The following MYO3A variants were observed in gnomAD, a reference collection of about 807,000 sequenced individuals.
The protein encoded by MYO3A is myosin IIIA, also known as myosin-IIIa.
Under a neutral mutation model 192.7 loss-of-function variants are expected in MYO3A, and 180 were observed. The observed-to-expected ratio is 0.93, with a 90% CI of 0.83 to 1.06. MYO3A has a LOEUF of 1.06. Among genes scored for constraint, MYO3A ranks in the 50% least tolerant of loss-of-function variants. The probability of loss-of-function intolerance (pLI) is 0.00; values close to 1 mark genes in which losing one functional copy is unlikely to be tolerated. For synonymous variants in MYO3A, 628 were observed against 645.3 expected, an observed-to-expected ratio of 0.97 and a Z score of 0.41; for missense variants, 1,896 against 1,905.0, an observed-to-expected ratio of 1.00 and a Z score of 0.09.
chr10:25,990,559 C>CA (rs1441016673), intron 4 of MYO3A, among the ~76,000 whole-genome samples: 2 of 151,576 alleles, frequency 1.3e-5, no homozygotes, highest in Non-Finnish European at 2.9e-5. Context: ...ATGTGCACAA[C>CA]ATGCAGGTTT....
chr10:26,210,202 T>C (rs1008628662), intron 34 of MYO3A, among the ~76,000 whole-genome samples: 1 of 152,182 alleles, frequency 6.6e-6, no homozygotes, highest in African/African-American at 2.4e-5. Context: ...TACTTAAAAT[T>C]TGTGAACTGA....
chr10:26,115,010 A>G (rs1376768701), intron 17 of MYO3A, among the ~76,000 whole-genome samples: 1 of 152,198 alleles, frequency 6.6e-6, no homozygotes, highest in East Asian at 1.9e-4. Context: ...ACCTACGAGG[A>G]GTTTGGCTGG....
At position 26,166,341 on chromosome 10, in the gene MYO3A, G is replaced by A. The variant is rs144596162; in HGVS notation, c.3111+163G>A. The A allele has an allele frequency of 5.3e-4, 372 of 702,166 alleles. No individual in the cohort carries two copies. In the African/African-American group the frequency reaches 5.8e-3, roughly 11 times the overall value. The allele number at this position is 702,166 out of a possible 1,614,324, so 43.5% of individuals were successfully genotyped here. ...TAAACTCATAAAGATTTTCTTTTTC[G>A]TCAACATTAAAGGCTTTTGCTCTTC... On this transcript the variant is annotated intron_variant, in intron 27 of 34. Transcript: ENST00000642920.
chr10:26,043,352 T>TGC (rs60008989), intron 10 of MYO3A, among the ~76,000 whole-genome samples: 24,687 of 152,066 alleles, frequency 0.16, 2,283 homozygotes, highest in Non-Finnish European at 0.21. Context: ...AGTTCTACAA[T>TGC]CAGCAGGTGG....
At chr10:26,130,361 T>C (rs1839460701) in intron 20 of MYO3A, among the ~76,000 whole-genome samples, 1 of 152,228 alleles carries the variant, frequency 6.6e-6, no homozygotes, top group East Asian at 1.9e-4. Flanking sequence ...TCTGCCTGTC[T>C]CGGCCTCCCA....
chr10:26,015,294 C>T (rs1841928221), intron 6 of MYO3A, among the ~76,000 whole-genome samples: 1 of 152,084 alleles, frequency 6.6e-6, no homozygotes, highest in Admixed American at 6.6e-5. Flanking sequence ...TCAGCAGCTT[C>T]TCTCTTGAGA....
chr10:26,020,614 T>C lies in MYO3A; in HGVS notation c.586-889T>C, dbSNP rs576353866. On this transcript the variant is annotated intron_variant, in intron 7 of 34. Transcript: ENST00000642920. ...ATATCTTTTATTTTTTCTTGTGGGT[T>C]GGCATGTACAAAACATAAAATTTTA... 5.9e-5 allele frequency among the ~76,000 whole-genome samples: 9 copies of C among 152,336 alleles called. No individual in the cohort carries two copies. The South Asian group carries it at 1.9e-3, about 32-fold the overall frequency.
At chr10:26,060,477 A>C (rs12781392) in intron 10 of MYO3A, among the ~76,000 whole-genome samples, 71,727 of 151,556 alleles carry the variant, frequency 0.47, 17,802 homozygotes, top group Middle Eastern at 0.59. Flanking sequence ...CAAACAAACA[A>C]ACAAACAAAC....
intron 18 of MYO3A, among the ~76,000 whole-genome samples, chr10:26,123,921 A>G (rs1401922552): frequency 8.6e-6 from 1 of 116,584 alleles, no homozygotes; most frequent in Non-Finnish European, 2.0e-5. Flanking sequence ...GCAAGACTCC[A>G]TCTAAAACAA....
At chr10:26,003,099 C>T (rs115427326) in intron 6 of MYO3A, among the ~76,000 whole-genome samples, 1 of 152,254 alleles carries the variant, frequency 6.6e-6, no homozygotes, top group African/African-American at 2.4e-5. Context: ...AGGGCATCAA[C>T]CTGCACATCT....
At chr10:26,195,815 T>C (rs1843379996) in intron 32 of MYO3A, among the ~76,000 whole-genome samples, 1 of 152,226 alleles carries the variant, frequency 6.6e-6, no homozygotes, top group African/African-American at 2.4e-5. Context: ...GAGCTCTTCC[T>C]ATATCCTCCC....
chr10:25,954,790 C>T (rs971593578), intron 3 of MYO3A, 84 bp from the exon 4 acceptor site: 2 of 1,387,780 alleles, frequency 1.4e-6, no homozygotes, highest in Non-Finnish European at 1.0e-6. Context: ...TAATGAAATT[C>T]TGTATTTGGT....
chr10:26,201,524 C>CAA (rs71401880), intron 33 of MYO3A, among the ~76,000 whole-genome samples: 86 of 143,428 alleles, frequency 6.0e-4, no homozygotes, highest in African/African-American at 2.1e-3. Flanking sequence ...ACTAAAAATA[C>CAA]AAAAAAAAAA....
At chr10:25,940,288 T>C (rs1010242946) in intron 2 of MYO3A, among the ~76,000 whole-genome samples, 1 of 152,094 alleles carries the variant, frequency 6.6e-6, no homozygotes, top group Non-Finnish European at 1.5e-5. Context: ...GAATGACTTT[T>C]GTAAAGTCAG....
chr10:25,989,227 G>C (rs1013682490), intron 4 of MYO3A, among the ~76,000 whole-genome samples: 1 of 150,550 alleles, frequency 6.6e-6, no homozygotes, highest in Non-Finnish European at 1.5e-5. Flanking sequence ...TTACAGATGT[G>C]AGCCACTGCA....
At chr10:26,107,815 G>A (rs1006461790) in intron 17 of MYO3A, among the ~76,000 whole-genome samples, 4 of 151,886 alleles carry the variant, frequency 2.6e-5, no homozygotes, top group African/African-American at 7.2e-5. Context: ...TTAAAAAAAA[G>A]AGAAAGGCAA....
At chr10:25,994,072 A>G (rs1413059370) in intron 4 of MYO3A, among the ~76,000 whole-genome samples, 1 of 151,964 alleles carries the variant, frequency 6.6e-6, no homozygotes, top group East Asian at 1.9e-4. Flanking sequence ...TATCCTTGTT[A>G]ACTTTCTGTC....
chr10:26,027,463 G>C (rs1284969589), intron 10 of MYO3A, among the ~76,000 whole-genome samples: 1 of 151,950 alleles, frequency 6.6e-6, no homozygotes, highest in Non-Finnish European at 1.5e-5. Context: ...TCCTTCTTCA[G>C]ACCCCCAAGT....
rs573378006 is a variant in MYO3A, at chr10:26,010,041, G to C, written c.509-6779G>C. Among the ~76,000 whole-genome samples the C allele has an allele frequency of 2.0e-5, 3 of 152,320 alleles. No individual in the cohort carries two copies. The South Asian group carries it at 6.2e-4, about 32-fold the overall frequency. On this transcript the variant is annotated intron_variant, in intron 6 of 34. Coordinates refer to ENST00000642920, the MANE Select transcript of MYO3A (RefSeq NM_017433.5). ...CACATGTACATAGTCATCCAGGATT[G>C]AATGATGCAGACAGAGCTAGGTGCA...
Sources: allele counts gnomAD v4.1 joint callset (sites outside exome capture counted in the v4.1 genomes callset), GRCh38; gene constraint gnomAD v4.1.1; transcripts MANE v1.5; gene names NCBI Gene and HGNC (gene_info 2026-07-23, HGNC 2026-07-21).